The following DRICH1 variants were observed in gnomAD, a reference collection of about 807,000 sequenced individuals.
The protein encoded by DRICH1 is aspartate rich 1.
A neutral mutation model predicts 39.5 loss-of-function variants in DRICH1; 38 were observed. That is an observed-to-expected ratio of 0.96 (90% CI 0.74 to 1.26). The LOEUF (loss-of-function observed/expected upper bound fraction) is 1.26. Ranked by LOEUF, DRICH1 falls within the 50% of genes most tolerant of loss-of-function variation. The probability of loss-of-function intolerance (pLI) is 0.00; values close to 1 mark genes in which losing one functional copy is unlikely to be tolerated. For synonymous variants in DRICH1, 84 were observed against 99.5 expected (o/e 0.84, Z 0.93); for missense variants, 279 against 270.4 (o/e 1.03, Z -0.22).
the DRICH1 span, among the ~76,000 whole-genome samples, chr22:23,589,724 G>C: frequency 6.6e-6 from 1 of 152,134 alleles, no homozygotes; most frequent in Non-Finnish European, 1.5e-5. Flanking sequence ...CATGGCCGCA[G>C]CTGGTGCTGA....
At position 23,608,769 on chromosome 22, in the gene DRICH1, C is replaced by T; in HGVS notation, c.686-1G>A. 3 of 1,560,636 alleles carry T rather than the reference C, an allele frequency of 1.9e-6. No individual in the cohort carries two copies. The highest frequency in any genetic ancestry group is 2.6e-6 in the Non-Finnish European group (3 of 1,150,924). On this transcript the variant is annotated splice_acceptor_variant, in intron 11 of 11. Coordinates refer to ENST00000317749, the MANE Select transcript of DRICH1 (RefSeq NM_016449.4). LOFTEE classifies it high-confidence loss of function. ...GTCAGCTCCACAGAAGGGCTTCACC[C>T]TGGATGAAGAGATAATCCCTTTTTA...
chr22:23,590,572 C>A, the DRICH1 span, among the ~76,000 whole-genome samples: 299 of 152,078 alleles, frequency 2.0e-3, 10 homozygotes, highest in East Asian at 0.048. Context: ...AGCCACTGCA[C>A]CCAGCCAGCC....
the DRICH1 span, among the ~76,000 whole-genome samples, chr22:23,598,051 GC>G: frequency 6.6e-6 from 1 of 150,878 alleles, no homozygotes; most frequent in African/African-American, 2.4e-5. Context: ...AGGTCAGCCA[GC>G]TGCAGGCAGG....
intron 11 of DRICH1, among the ~76,000 whole-genome samples, chr22:23,609,638 GGGCCCAGAACCCTGCC>G (rs72460650): frequency 0.058 from 8,881 of 152,124 alleles, 831 homozygotes; most frequent in African/African-American, 0.2. Flanking sequence ...GGACTGTAGA[GGGCCCAGAACCCTGCC>G]TTCTCCCAGC....
chr22:23,619,223 T>G, intron 6 of DRICH1, 141 bp downstream of exon 6: 1 of 624,764 alleles, frequency 1.6e-6, no homozygotes, highest in South Asian at 1.8e-5. Flanking sequence ...TTAGTCATGT[T>G]AAATCTAACT....
chr22:23,606,503 G>A (rs779988083), downstream of DRICH1, among the ~76,000 whole-genome samples: 1 of 152,120 alleles, frequency 6.6e-6, no homozygotes, highest in African/African-American at 2.4e-5. Context: ...TTTGGTGTGT[G>A]AGACACTGGC....
chr22:23,597,050 T>G, the DRICH1 span, among the ~76,000 whole-genome samples: 1 of 149,772 alleles, frequency 6.7e-6, no homozygotes, highest in East Asian at 1.9e-4. Flanking sequence ...TACTAATTGT[T>G]ACATCTTCTT....
chr22:23,608,601 C>T lies in DRICH1; in HGVS notation c.*163G>A, dbSNP rs535169186. The T allele has an allele frequency of 4.6e-5, 32 of 696,288 alleles. No homozygotes were observed. Among genetic ancestry groups the T allele is most frequent in the African/African-American group, 5.3e-5 (3 of 56,898 alleles). The allele number at this position is 696,288 out of a possible 1,614,324, so 43.1% of individuals were successfully genotyped here. On this transcript the variant is annotated 3_prime_UTR_variant, in exon 12 of 12. Coordinates refer to ENST00000317749, the MANE Select transcript of DRICH1 (RefSeq NM_016449.4). ...TGGTACAGGCCAAACCTAGTGCTGG[C>T]GGTGGGTGGGAAGCAGCCTTGGACT...
chr22:23,605,686 G>C (rs919848591), downstream of DRICH1, among the ~76,000 whole-genome samples: 5 of 152,164 alleles, frequency 3.3e-5, no homozygotes, highest in African/African-American at 1.2e-4. Flanking sequence ...GGACTGGGGG[G>C]AGGCCAGTGA....
intron 3 of DRICH1, chr22:23,624,436 T>A (rs1478289082): frequency 2.7e-6 from 2 of 749,492 alleles, no homozygotes; most frequent in African/African-American, 3.8e-5. Context: ...AAACTCAGCT[T>A]CTATTTACTT....
At chr22:23,613,163 C>A in intron 11 of DRICH1, 126 bp downstream of exon 11, 1 of 746,930 alleles carries the variant, frequency 1.3e-6, no homozygotes. Context: ...AGACCTCACA[C>A]ATATTTCCAT....
chr22:23,612,544 A>G (rs1927101742), intron 11 of DRICH1, among the ~76,000 whole-genome samples: 1 of 152,014 alleles, frequency 6.6e-6, no homozygotes, highest in Non-Finnish European at 1.5e-5. Flanking sequence ...CCAAAGCCAA[A>G]TTTTTGAAGA....
chr22:23,595,199 G>T, the DRICH1 span, among the ~76,000 whole-genome samples: 4 of 144,244 alleles, frequency 2.8e-5, no homozygotes, highest in Non-Finnish European at 6.1e-5. Flanking sequence ...TAATGAGATT[G>T]GTTTTGGATT....
At chr22:23,590,239 A>G in the DRICH1 span, among the ~76,000 whole-genome samples, 1 of 150,738 alleles carries the variant, frequency 6.6e-6, no homozygotes, top group Non-Finnish European at 1.5e-5. Flanking sequence ...GCATCGTTGC[A>G]TTGTACTACA....
the DRICH1 span, among the ~76,000 whole-genome samples, chr22:23,591,947 G>T: frequency 2.0e-5 from 3 of 152,154 alleles, no homozygotes; most frequent in Non-Finnish European, 4.4e-5. Context: ...TGTGGAGGGG[G>T]AGCAGGCCCT....
the DRICH1 span, among the ~76,000 whole-genome samples, chr22:23,584,670 T>C: frequency 6.6e-6 from 1 of 152,250 alleles, no homozygotes; most frequent in African/African-American, 2.4e-5. Context: ...TGTTTAATTT[T>C]ATGTGTCAAC....
chr22:23,583,475 G>A, the DRICH1 span: 2 of 152,230 alleles, frequency 1.3e-5, no homozygotes, highest in African/African-American at 4.8e-5. Context: ...ATGGTTGTGG[G>A]ATGCTGTAAC....
At chr22:23,599,656 G>C in the DRICH1 span, among the ~76,000 whole-genome samples, 3 of 152,134 alleles carry the variant, frequency 2.0e-5, no homozygotes, top group African/African-American at 7.2e-5. Context: ...GGTCACTCCT[G>C]TGCCTTTGCT....
chr22:23,600,744 C>T, the DRICH1 span, among the ~76,000 whole-genome samples: 1 of 151,134 alleles, frequency 6.6e-6, no homozygotes, highest in Non-Finnish European at 1.5e-5. Context: ...GCGATCTCGG[C>T]CCACTGCAAG....
Sources: gnomAD v4.1 joint callset for allele counts (sites outside exome capture counted in the v4.1 genomes callset) on GRCh38, gnomAD v4.1.1 for gene constraint, MANE v1.5 for transcripts, NCBI Gene and HGNC (gene_info 2026-07-23, HGNC 2026-07-21) for gene names.